The following CSGALNACT1 variants were observed in gnomAD, a reference collection of about 807,000 sequenced individuals.
The protein encoded by CSGALNACT1 is beta4GalNAcT-1.
CSGALNACT1 carries 52 observed loss-of-function variants against 51.0 expected under a neutral mutation model. That is an observed-to-expected ratio of 1.02 (90% CI 0.82 to 1.29). The LOEUF is 1.29. Among genes scored for constraint, CSGALNACT1 ranks in the 50% most tolerant of loss-of-function variants. The pLI is 0.00. For missense variants in CSGALNACT1, 935 were observed against 679.2 expected (o/e 1.38, Z -4.19); for synonymous variants, 341 against 254.4 (o/e 1.34, Z -3.24).
At chr8:19,660,347 T>C (rs192263460) in intron 1 of CSGALNACT1, among the ~76,000 whole-genome samples, 18 of 152,292 alleles carry the variant, frequency 1.2e-4, no homozygotes, top group Admixed American at 1.1e-3. Flanking sequence ...CTCAAGCAAA[T>C]TACTTAATCC....
chr8:19,631,592 G>T (rs962175127), intron 1 of CSGALNACT1, among the ~76,000 whole-genome samples: 1 of 152,188 alleles, frequency 6.6e-6, no homozygotes, highest in African/African-American at 2.4e-5. Context: ...ATTGCTGAAG[G>T]AAAGGCTGAT....
intron 1 of CSGALNACT1, among the ~76,000 whole-genome samples, chr8:19,747,303 C>G (rs2064737874): frequency 6.6e-6 from 1 of 151,832 alleles, no homozygotes; most frequent in Non-Finnish European, 1.5e-5. Flanking sequence ...CATTAGAACA[C>G]CAAACGTGAA....
intron 1 of CSGALNACT1, among the ~76,000 whole-genome samples, chr8:19,628,366 G>A (rs533297895): frequency 1.3e-5 from 2 of 152,342 alleles, no homozygotes; most frequent in South Asian, 4.1e-4. Flanking sequence ...CAGCTCTCAT[G>A]AGGACTCCCT....
chr8:19,599,707 T>C (rs866935042), intron 2 of CSGALNACT1, among the ~76,000 whole-genome samples: 13 of 152,176 alleles, frequency 8.5e-5, no homozygotes, highest in Middle Eastern at 3.4e-3. Context: ...GCTACCACAG[T>C]AGCAGGACAG....
chr8:19,495,186 G>C (rs957608125), intron 4 of CSGALNACT1: 4 of 152,120 alleles, frequency 2.6e-5, no homozygotes, highest in East Asian at 1.9e-4. Flanking sequence ...CCATCCACAT[G>C]TTCCCCTTCT....
rs191451358 is a variant in CSGALNACT1 at position 19,442,250 on chromosome 8, C to A, written c.852-2319G>T. ...ACCCAAAGGACTATAAATCATGCTG[C>A]TATAAAGACACATGCACATGTATGT... On this transcript the variant is annotated intron_variant, in intron 5 of 9. Coordinates refer to ENST00000454498, the Ensembl canonical transcript of CSGALNACT1. 2.4e-4 allele frequency among the ~76,000 whole-genome samples: 36 copies of A among 152,236 alleles called. 1 individual carries two copies. The highest frequency in any genetic ancestry group is 3.9e-4 in the Admixed American group (6 of 15,282).
chr8:19,430,248 T>C (rs1050872832), intron 6 of CSGALNACT1, among the ~76,000 whole-genome samples: 4 of 152,362 alleles, frequency 2.6e-5, no homozygotes, highest in Middle Eastern at 3.4e-3. Flanking sequence ...GGTTTAAAAG[T>C]CACACCTAAG....
chr8:19,500,209 G>C (rs981972540), intron 4 of CSGALNACT1, among the ~76,000 whole-genome samples: 1 of 152,046 alleles, frequency 6.6e-6, no homozygotes, highest in Non-Finnish European at 1.5e-5. Flanking sequence ...TAGTCAGAAG[G>C]ACCCCGGTTC....
At chr8:19,559,210 G>A (rs2154094317) in intron 3 of CSGALNACT1, among the ~76,000 whole-genome samples, 1 of 152,214 alleles carries the variant, frequency 6.6e-6, no homozygotes, top group African/African-American at 2.4e-5. Flanking sequence ...ACCAAATCCA[G>A]TAATATATAT....
intron 1 of CSGALNACT1, among the ~76,000 whole-genome samples, chr8:19,711,959 T>G (rs1327785169): frequency 6.6e-6 from 1 of 152,202 alleles, no homozygotes; most frequent in Non-Finnish European, 1.5e-5. Context: ...ATTGGACAGA[T>G]GTGGAAGCAG....
At chr8:19,439,084 G>C (rs1399186432) in intron 6 of CSGALNACT1, among the ~76,000 whole-genome samples, 1 of 152,136 alleles carries the variant, frequency 6.6e-6, no homozygotes, top group Non-Finnish European at 1.5e-5. Context: ...AAACCTCCAG[G>C]GCAAACTACA....
intron 1 of CSGALNACT1, among the ~76,000 whole-genome samples, chr8:19,656,165 C>G (rs2058256204): frequency 6.6e-6 from 1 of 152,172 alleles, no homozygotes; most frequent in African/African-American, 2.4e-5. Flanking sequence ...AACAAAGTGT[C>G]TGAAGATAGG....
At chr8:19,454,192 C>A (rs1432646908) in intron 5 of CSGALNACT1, among the ~76,000 whole-genome samples, 2 of 152,212 alleles carry the variant, frequency 1.3e-5, no homozygotes, top group Non-Finnish European at 2.9e-5. Flanking sequence ...ATACTCCATT[C>A]TCAAACACTT....
intron 4 of CSGALNACT1, among the ~76,000 whole-genome samples, chr8:19,496,572 A>G (rs1244724712): frequency 6.6e-6 from 1 of 152,246 alleles, no homozygotes; most frequent in Non-Finnish European, 1.5e-5. Flanking sequence ...AGCTGAAAGA[A>G]GCATCCCTTA....
In CSGALNACT1 at chr8:19,439,876, T is replaced by C. The variant is rs1441228335; in HGVS notation, c.907A>G (p.Lys303Glu). ...CCTTTGACTTCATTTATTTCTTCTT[T>C]CCCAAAGTAAACAACAGTGAGATGG... Residue 303 changes from lysine (K) to glutamate (E), a missense_variant, in exon 6 of 10, where the codon AAA (lysine) becomes GAA (glutamate). Lys to Glu is a moderately conservative substitution (Grantham distance 56). Coordinates refer to ENST00000454498, the Ensembl canonical transcript of CSGALNACT1. The C allele has an allele frequency of 1.2e-6, 2 of 1,614,150 alleles. No homozygotes were observed. The highest frequency in any genetic ancestry group is 1.7e-5 in the Admixed American group (1 of 60,016).
rs1005571870 is a variant in CSGALNACT1, at chr8:19,757,289, C to T, written c.-297+561G>A. 2 of 150,388 alleles carry T rather than the reference C, an allele frequency of 1.3e-5. No homozygotes were observed. Among genetic ancestry groups the T allele is most frequent in the African/African-American group, 4.9e-5 (2 of 41,150 alleles). The allele number at this position is 150,388 out of a possible 1,614,324, so 9.3% of individuals were successfully genotyped here. A position where few individuals can be genotyped will look rare whatever the true frequency, so the allele number is the denominator to read the frequency against. The stretch of plus-strand genomic sequence containing the variant: ...GCGGACTCGGCTCCACCTCCCGCTC[C>T]GGCAGCCGCGGAGCCTCCAGGGACC... On this transcript the variant is annotated intron_variant, in intron 1 of 1. Coordinates refer to the CSGALNACT1 transcript ENST00000517494. The surrounding 1 kb of genome is among the most constrained non-coding windows in gnomAD (Gnocchi z 4.0).
intron 1 of CSGALNACT1, among the ~76,000 whole-genome samples, chr8:19,752,200 A>G (rs1415828934): frequency 6.7e-6 from 1 of 148,456 alleles, no homozygotes; most frequent in Non-Finnish European, 1.5e-5. Context: ...TATATACTAT[A>G]TATCTTATAT....
chr8:19,725,940 T>C (rs2063376898), intron 1 of CSGALNACT1, among the ~76,000 whole-genome samples: 1 of 152,222 alleles, frequency 6.6e-6, no homozygotes. Flanking sequence ...TCACTCTCGG[T>C]ATTGTACATT....
chr8:19,456,937 T>C (rs1215149072), intron 5 of CSGALNACT1, among the ~76,000 whole-genome samples: 2 of 152,190 alleles, frequency 1.3e-5, no homozygotes, highest in Admixed American at 1.3e-4. Context: ...GAAATAGACT[T>C]GTTCAGTCCT....
Sources: allele counts gnomAD v4.1 joint callset (sites outside exome capture counted in the v4.1 genomes callset), GRCh38; gene constraint gnomAD v4.1.1; non-coding constraint Gnocchi (gnomAD v3.1); transcripts MANE v1.5; gene names NCBI Gene and HGNC (gene_info 2026-07-23, HGNC 2026-07-21).